ADRA1A: variants seen among roughly 807,000 people sequenced by gnomAD.
ADRA1A encodes adrenoceptor alpha 1A.
In ADRA1A, 31 loss-of-function variants were observed where a neutral mutation model predicts 29.6. The ratio of observed to expected loss-of-function variants is 1.05; its 90% confidence interval spans 0.79 to 1.41. The LOEUF (loss-of-function observed/expected upper bound fraction) is 1.41, where lower values mean the gene tolerates loss of function less well. ADRA1A is among the 40% of genes most tolerant of loss of function. The pLI is 0.00. For missense variants in ADRA1A, 619 were observed against 601.1 expected (o/e 1.03, Z -0.31); for synonymous variants, 311 against 254.3 (o/e 1.22, Z -2.12).
chr8:26,832,349 G>A (rs1811043004), intron 2 of ADRA1A, among the ~76,000 whole-genome samples: 1 of 152,122 alleles, frequency 6.6e-6, no homozygotes, highest in Admixed American at 6.5e-5. Flanking sequence ...CTCTCCCATA[G>A]AAGTAAAAGC....
intron 2 of ADRA1A, among the ~76,000 whole-genome samples, chr8:26,808,853 T>G (rs1048621683): frequency 6.6e-5 from 10 of 152,248 alleles, no homozygotes; most frequent in African/African-American, 2.4e-4. Flanking sequence ...TTTTTCCACT[T>G]TTCTCTTACA....
At chr8:26,845,914 G>A (rs908954682) in intron 2 of ADRA1A, among the ~76,000 whole-genome samples, 1 of 152,160 alleles carries the variant, frequency 6.6e-6, no homozygotes, top group Non-Finnish European at 1.5e-5. Context: ...CCAGGCACTT[G>A]GGGAGTGGGG....
chr8:26,787,463 G>T lies in ADRA1A; in HGVS notation c.884-16797C>A, dbSNP rs761916775. Among the ~76,000 whole-genome samples, 1 of 152,052 alleles carries T rather than the reference G, an allele frequency of 6.6e-6. No individual in the cohort carries two copies. The highest frequency in any genetic ancestry group is 2.4e-5 in the African/African-American group (1 of 41,410). On this transcript the variant is annotated intron_variant, in intron 2 of 2. Coordinates refer to ENST00000380573, the MANE Select transcript of ADRA1A (RefSeq NM_000680.4). This position sits in a 1 kb window ranked among gnomAD's most constrained non-coding sequence, Gnocchi z 4.2. ...TGACAAAATGCAACTAATAAAGTAC[G>T]CCTAAAAAACAATCAGGTAAGATTG...
intron 2 of ADRA1A, among the ~76,000 whole-genome samples, chr8:26,801,088 TA>T (rs1368144186): frequency 3.9e-5 from 6 of 152,096 alleles, no homozygotes; most frequent in Non-Finnish European, 8.8e-5. Context: ...CGCTTCATGA[TA>T]AAAAGCCTCA....
chr8:26,768,932 G>A lies in ADRA1A; in HGVS notation c.*1217C>T. On this transcript the variant is annotated 3_prime_UTR_variant, in exon 3 of 3. Transcript: ENST00000380573. Reference sequence around the variant, plus strand: ...GAGTTGACTACTGGATCTTTTACCAGAACAAATGGCCTTCTATCAAAAAAT... The same window carrying A: ...GAGTTGACTACTGGATCTTTTACCAAAACAAATGGCCTTCTATCAAAAAAT... 5 of 985,428 alleles carry A rather than the reference G, an allele frequency of 5.1e-6. No individual in the cohort carries two copies. Among genetic ancestry groups the A allele is most frequent in the Non-Finnish European group, 4.8e-6 (4 of 829,912 alleles). 61.0% of individuals were successfully genotyped at this position (985,428 alleles called of 1,614,324 possible).
At chr8:26,777,376 C>A (rs768442661) in intron 2 of ADRA1A, among the ~76,000 whole-genome samples, 6 of 152,158 alleles carry the variant, frequency 3.9e-5, no homozygotes, top group Admixed American at 3.9e-4. Flanking sequence ...ATTAGCTTCT[C>A]GCAGTGCTCT....
chr8:26,797,830 A>G (rs1234053456), intron 2 of ADRA1A, among the ~76,000 whole-genome samples: 1 of 152,138 alleles, frequency 6.6e-6, no homozygotes, highest in South Asian at 2.1e-4. Flanking sequence ...AAAAGTGATC[A>G]TGACATGGTG....
chr8:26,802,180 A>G (rs192222875), intron 2 of ADRA1A, among the ~76,000 whole-genome samples: 58 of 152,268 alleles, frequency 3.8e-4, no homozygotes, highest in Non-Finnish European at 6.6e-4. Context: ...TTTATTGAGT[A>G]ATATCCCAAA....
At position 26,866,928 on chromosome 8, in the gene ADRA1A, G is replaced by T. The variant is rs1380868992; in HGVS notation, c.-687+8C>A. On this transcript the variant is annotated splice_region_variant and intron_variant, in intron 1 of 2. Transcript: ENST00000380573. The surrounding 1 kb of genome is among the most constrained non-coding windows in gnomAD (Gnocchi z 5.7). ...GGCCCTGCGGGACGCCGGCCCCGGC[G>T]CACTCACCTGAAGCGCCGCTGCTGA... 2.0e-6 allele frequency: 2 copies of T among 985,422 alleles called. No homozygotes were observed. Among genetic ancestry groups the T allele is most frequent in the African/African-American group, 1.7e-5 (1 of 57,334 alleles). 61.0% of individuals were successfully genotyped at this position (985,422 alleles called of 1,614,324 possible).
chr8:26,816,785 T>C (rs961087318), intron 2 of ADRA1A, among the ~76,000 whole-genome samples: 2 of 152,296 alleles, frequency 1.3e-5, no homozygotes, highest in East Asian at 1.9e-4. Flanking sequence ...AAGCGGAATA[T>C]GGAGAAGACC....
intron 2 of ADRA1A, among the ~76,000 whole-genome samples, chr8:26,826,116 G>A (rs1810542951): frequency 6.6e-6 from 1 of 152,200 alleles, no homozygotes; most frequent in Admixed American, 6.5e-5. Context: ...CTCAAAGTGA[G>A]TTTCCTTCTG....
At chr8:26,826,258 GTGTTTCTGAC>G (rs1485280507) in intron 2 of ADRA1A, among the ~76,000 whole-genome samples, 1 of 152,198 alleles carries the variant, frequency 6.6e-6, no homozygotes, top group Non-Finnish European at 1.5e-5. Context: ...GGATAGTTGG[GTGTTTCTGAC>G]TGGCAAGCAA....
In ADRA1A at chr8:26,769,125, A is replaced by G. The variant is rs950924250; in HGVS notation, c.*1024T>C. 5.1e-6 allele frequency: 5 copies of G among 985,338 alleles called. No homozygotes were observed. The African/African-American group carries it at 8.7e-5, about 17-fold the overall frequency. 61.0% of individuals were successfully genotyped at this position (985,338 alleles called of 1,614,324 possible). On this transcript the variant is annotated 3_prime_UTR_variant, in exon 3 of 3. Transcript: ENST00000380573. ...TTATGCAATAGTGAAGCAGATAAGA[A>G]GTAATGGGAGACAATCTTTTGCCTT...
chr8:26,756,779 C>A lies in ADRA1A; in HGVS notation c.1270G>T (p.Gly424Ter). 1 of 1,612,808 alleles carries A rather than the reference C, an allele frequency of 6.2e-7. No homozygotes were observed. The highest frequency in any genetic ancestry group is 8.5e-7 in the Non-Finnish European group (1 of 1,179,046). The change falls in exon 3 of 3, where the codon GGA becomes TGA. Residue 424 changes from glycine (G) to a stop codon, truncating the protein, a stop_gained and splice_region_variant. Coordinates refer to the ADRA1A transcript ENST00000380582. LOFTEE classifies it low-confidence loss of function (END_TRUNC). ...TGGCTTCATGTCATGGGTGTGTGTC[C>A]CTTTAAAACACAAGGTAGACTAACA...
intron 2 of ADRA1A, among the ~76,000 whole-genome samples, chr8:26,851,014 G>C (rs1287392601): frequency 6.6e-6 from 1 of 152,146 alleles, no homozygotes; most frequent in Non-Finnish European, 1.5e-5. Flanking sequence ...GCCGACCTCT[G>C]TTCCATCTGG....
intron 2 of ADRA1A, among the ~76,000 whole-genome samples, chr8:26,829,599 G>A (rs1318692267): frequency 1.3e-5 from 2 of 152,028 alleles, no homozygotes; most frequent in South Asian, 2.1e-4. Context: ...GTGAATAGTC[G>A]GTAATATGAT....
intron 2 of ADRA1A, among the ~76,000 whole-genome samples, chr8:26,834,521 A>G (rs1811206801): frequency 1.3e-5 from 2 of 152,210 alleles, no homozygotes; most frequent in African/African-American, 4.8e-5. Context: ...TTATTCAGCC[A>G]TTTCTGATGT....
chr8:26,851,644 T>C (rs996401698), intron 2 of ADRA1A, among the ~76,000 whole-genome samples: 2 of 152,188 alleles, frequency 1.3e-5, no homozygotes, highest in Non-Finnish European at 2.9e-5. Flanking sequence ...ATTATTTTTT[T>C]AAATGTGCAT....
At position 26,865,935 on chromosome 8, in the gene ADRA1A, G is replaced by A. The variant is rs1813877364; in HGVS notation, c.-686-280C>T. ...CAAATCCCCAAAACCCCAGGCTCCA[G>A]CGCTCGAAGTCTGGATTTCGAGCGC... On this transcript the variant is annotated intron_variant, in intron 1 of 2. Transcript: ENST00000380573. This position sits in a 1 kb window ranked among gnomAD's most constrained non-coding sequence, Gnocchi z 7.6. Among the ~76,000 whole-genome samples, 1 of 152,166 alleles carries A rather than the reference G, an allele frequency of 6.6e-6. No homozygotes were observed. The highest frequency in any genetic ancestry group is 1.9e-4 in the East Asian group (1 of 5,180).
Sources: gnomAD v4.1 joint callset for allele counts (sites outside exome capture counted in the v4.1 genomes callset) on GRCh38, gnomAD v4.1.1 for gene constraint, Gnocchi (gnomAD v3.1) non-coding constraint, MANE v1.5 for transcripts, NCBI Gene and HGNC (gene_info 2026-07-23, HGNC 2026-07-21) for gene names.